Variants in SLC24A3 observed in about 807,000 individuals in gnomAD.
The protein encoded by SLC24A3 is solute carrier family 24 member 3.
Under a neutral mutation model 75.8 loss-of-function variants are expected in SLC24A3, and 28 were observed. The ratio of observed to expected loss-of-function variants is 0.37; its 90% confidence interval spans 0.27 to 0.51. The LOEUF (loss-of-function observed/expected upper bound fraction) is 0.51. SLC24A3 is among the 20% of genes least tolerant of loss of function. The pLI is 0.94. For missense variants in SLC24A3, 663 were observed against 847.8 expected, an observed-to-expected ratio of 0.78 and a Z score of 2.71; for synonymous variants, 372 against 334.1, an observed-to-expected ratio of 1.11 and a Z score of -1.24.
intron 2 of SLC24A3, among the ~76,000 whole-genome samples, chr20:19,467,061 C>T (rs1305620663): frequency 6.6e-6 from 1 of 152,058 alleles, no homozygotes; most frequent in Non-Finnish European, 1.5e-5. Context: ...GCCGGGCAAT[C>T]GGATATCATT....
In SLC24A3 at chr20:19,336,885, A is replaced by G. The variant is rs556876482; in HGVS notation, c.271+55798A>G. ...TTTATAAAATGTACACGAACATGCTATGTGGCCATGATGGAAATTTTAAAT... is the reference window on the plus strand; with the variant it reads ...TTTATAAAATGTACACGAACATGCTGTGTGGCCATGATGGAAATTTTAAAT... On this transcript the variant is annotated intron_variant, in intron 2 of 16. Transcript: ENST00000328041. Among the ~76,000 whole-genome samples, 3 of 152,070 alleles carry G rather than the reference A, an allele frequency of 2.0e-5. No individual in the cohort carries two copies. The South Asian group carries it at 6.3e-4, about 32-fold the overall frequency.
Position 19,628,131 on chromosome 20 carries a change from G to T in SLC24A3, c.613-25931G>T, listed in dbSNP as rs537769161. On this transcript the variant is annotated intron_variant, in intron 6 of 16. Coordinates refer to ENST00000328041, the MANE Select transcript of SLC24A3 (RefSeq NM_020689.4). ...AGGCAGGAGAATCGCTTGAACCCAG[G>T]AGGCGGAGGTTGCAGTGAGCTGAGA... is the stretch of plus-strand genomic sequence containing the variant. Among the ~76,000 whole-genome samples, 6 of 148,650 alleles carry T rather than the reference G, an allele frequency of 4.0e-5. No individual in the cohort carries two copies. The South Asian group carries it at 1.3e-3, about 32-fold the overall frequency.
At chr20:19,304,152 A>G (rs1439587215) in intron 2 of SLC24A3, among the ~76,000 whole-genome samples, 1 of 152,202 alleles carries the variant, frequency 6.6e-6, no homozygotes, top group Non-Finnish European at 1.5e-5. Flanking sequence ...TATCTTCCCT[A>G]GCTTCTCTTT....
chr20:19,437,184 C>T (rs904397108), intron 2 of SLC24A3, among the ~76,000 whole-genome samples: 4 of 152,144 alleles, frequency 2.6e-5, no homozygotes, highest in African/African-American at 9.6e-5. Context: ...GGCTCTGTAT[C>T]CCCACCCAAG....
intron 2 of SLC24A3, among the ~76,000 whole-genome samples, chr20:19,381,597 C>T (rs936516731): frequency 7.9e-5 from 12 of 152,212 alleles, no homozygotes; most frequent in Non-Finnish European, 2.9e-5. Context: ...TAACTACTAA[C>T]CTTAGTAACA....
intron 2 of SLC24A3, among the ~76,000 whole-genome samples, chr20:19,312,877 A>G (rs6035293): frequency 0.52 from 79,045 of 151,806 alleles, 22,955 homozygotes; most frequent in African/African-American, 0.78. Flanking sequence ...TATTGGTAGC[A>G]ATGGTGATGC....
chr20:19,534,084 A>C (rs2030352562), intron 3 of SLC24A3, among the ~76,000 whole-genome samples: 1 of 152,260 alleles, frequency 6.6e-6, no homozygotes, highest in Non-Finnish European at 1.5e-5. Context: ...CACTTGTGAT[A>C]ATTACAGAAT....
intron 2 of SLC24A3, among the ~76,000 whole-genome samples, chr20:19,445,103 C>T (rs958211726): frequency 6.6e-6 from 1 of 152,128 alleles, no homozygotes; most frequent in African/African-American, 2.4e-5. Flanking sequence ...TTTTTCATGA[C>T]CTTATATCTG....
intron 9 of SLC24A3, among the ~76,000 whole-genome samples, chr20:19,679,078 G>A (rs1431542573): frequency 7.9e-5 from 12 of 151,964 alleles, no homozygotes; most frequent in African/African-American, 2.9e-4. Flanking sequence ...AGGCAGAGAC[G>A]CTCCTCACTT....
At chr20:19,673,103 T>C (rs891118829) in intron 8 of SLC24A3, among the ~76,000 whole-genome samples, 1 of 152,234 alleles carries the variant, frequency 6.6e-6, no homozygotes, top group Non-Finnish European at 1.5e-5. Flanking sequence ...TCCTTCTTAC[T>C]CTTCGACTGG....
chr20:19,364,276 C>A (rs376005228), intron 2 of SLC24A3, among the ~76,000 whole-genome samples: 51 of 152,088 alleles, frequency 3.4e-4, no homozygotes, highest in Non-Finnish European at 6.0e-4. Context: ...CAGCCGCCCC[C>A]CTCCCCTGAG....
intron 2 of SLC24A3, among the ~76,000 whole-genome samples, chr20:19,474,472 G>A (rs1987928231): frequency 6.6e-6 from 1 of 152,178 alleles, no homozygotes; most frequent in South Asian, 2.1e-4. Flanking sequence ...CACCTCTCAT[G>A]GGCAGTTAGG....
intron 6 of SLC24A3, among the ~76,000 whole-genome samples, chr20:19,626,098 G>T (rs945640026): frequency 3.3e-5 from 5 of 151,918 alleles, no homozygotes; most frequent in African/African-American, 1.2e-4. Context: ...AATATTACTT[G>T]GATTCATAAA....
chr20:19,402,141 A>G (rs1332130992), intron 2 of SLC24A3, among the ~76,000 whole-genome samples: 1 of 152,218 alleles, frequency 6.6e-6, no homozygotes, highest in African/African-American at 2.4e-5. Flanking sequence ...ATGTTATGAA[A>G]GAGGAAAGAA....
intron 15 of SLC24A3, among the ~76,000 whole-genome samples, chr20:19,701,392 A>T (rs1011365860): frequency 6.6e-6 from 1 of 152,148 alleles, no homozygotes; most frequent in African/African-American, 2.4e-5. Context: ...TATTTTCAAG[A>T]TGAGATAAAT....
intron 2 of SLC24A3, among the ~76,000 whole-genome samples, chr20:19,414,010 G>T (rs1487531087): frequency 1.3e-5 from 2 of 152,052 alleles, no homozygotes; most frequent in Non-Finnish European, 2.9e-5. Context: ...CCAGGTAAAG[G>T]ACAAACAAAT....
intron 2 of SLC24A3, among the ~76,000 whole-genome samples, chr20:19,349,390 G>A (rs73902319): frequency 0.11 from 17,189 of 152,118 alleles, 2,605 homozygotes; most frequent in African/African-American, 0.35. Context: ...TCTCTTAGGC[G>A]TTACTACTTA....
chr20:19,283,839 A>C (rs746669497), intron 2 of SLC24A3, among the ~76,000 whole-genome samples: 2 of 152,192 alleles, frequency 1.3e-5, no homozygotes, highest in Admixed American at 6.5e-5. Flanking sequence ...TGTATTCGTG[A>C]ATTTCCCACC....
intron 1 of SLC24A3, among the ~76,000 whole-genome samples, chr20:19,263,284 G>C (rs1367909205): frequency 6.6e-6 from 1 of 152,126 alleles, no homozygotes; most frequent in African/African-American, 2.4e-5. Flanking sequence ...AGAAAGCCAC[G>C]CAAAGAGCAA....
Sources: gnomAD v4.1 joint callset for allele counts (sites outside exome capture counted in the v4.1 genomes callset) on GRCh38, gnomAD v4.1.1 for gene constraint, MANE v1.5 for transcripts, NCBI Gene and HGNC (gene_info 2026-07-23, HGNC 2026-07-21) for gene names.